TTC39B: variants seen among roughly 807,000 people sequenced by gnomAD.
TTC39B encodes tetratricopeptide repeat domain 39B.
Under a neutral mutation model 96.6 loss-of-function variants are expected in TTC39B, and 92 were observed. The observed-to-expected ratio is 0.95, with a 90% confidence interval of 0.80 to 1.13. The LOEUF is 1.13. Among genes scored for constraint, TTC39B ranks in the 50% most tolerant of loss-of-function variants. The pLI is 0.00. For missense variants in TTC39B, 955 were observed against 809.3 expected (o/e 1.18, Z -2.18); for synonymous variants, 367 against 299.4 (o/e 1.23, Z -2.33).
At chr9:15,175,741 T>C (rs1817900986) in intron 18 of TTC39B, among the ~76,000 whole-genome samples, 1 of 152,152 alleles carries the variant, frequency 6.6e-6, no homozygotes, top group Non-Finnish European at 1.5e-5. Context: ...ACTCTACATA[T>C]GTGGGATGAT....
At chr9:15,224,835 G>A (rs2131400109) in intron 3 of TTC39B, among the ~76,000 whole-genome samples, 1 of 152,254 alleles carries the variant, frequency 6.6e-6, no homozygotes, top group South Asian at 2.1e-4. Context: ...ATCCTTAGAA[G>A]TTATTTTCAC....
chr9:15,271,244 T>C (rs3866793), intron 1 of TTC39B, among the ~76,000 whole-genome samples: 5,130 of 152,242 alleles, frequency 0.034, 285 homozygotes, highest in African/African-American at 0.12. Flanking sequence ...GAAGAGTGTA[T>C]TTGTGTTTAA....
chr9:15,165,502 T>G (rs1383908108), exon 20 of TTC39B: 1 of 152,274 alleles, frequency 6.6e-6, no homozygotes, highest in Non-Finnish European at 1.5e-5. Context: ...GACCATTGTA[T>G]TAGTCCATTC....
chr9:15,257,306 G>T (rs1822786394), intron 2 of TTC39B, among the ~76,000 whole-genome samples: 1 of 152,100 alleles, frequency 6.6e-6, no homozygotes, highest in Non-Finnish European at 1.5e-5. Context: ...TCATGTCTAG[G>T]ATTTGATTCC....
chr9:15,230,437 T>C (rs1229533309), intron 2 of TTC39B, among the ~76,000 whole-genome samples: 4 of 152,342 alleles, frequency 2.6e-5, no homozygotes, highest in African/African-American at 4.8e-5. Flanking sequence ...TTTGTGTCTA[T>C]AGATTTGCCT....
chr9:15,272,797 T>C (rs1304658471), intron 1 of TTC39B, among the ~76,000 whole-genome samples: 1 of 152,202 alleles, frequency 6.6e-6, no homozygotes, highest in Non-Finnish European at 1.5e-5. Flanking sequence ...CTGAGCACCC[T>C]TGTCTGGAGG....
At chr9:15,164,928 G>A (rs920063386) in exon 20 of TTC39B, 1 of 152,156 alleles carries the variant, frequency 6.6e-6, no homozygotes, top group Non-Finnish European at 1.5e-5. Context: ...AACAGCCTAA[G>A]ATTTAAAATG....
intron 2 of TTC39B, among the ~76,000 whole-genome samples, chr9:15,244,981 C>G (rs1822209663): frequency 6.6e-6 from 1 of 152,174 alleles, no homozygotes; most frequent in Non-Finnish European, 1.5e-5. Flanking sequence ...TTTTCTCAGG[C>G]TAGATAGTAT....
At chr9:15,244,498 AG>A (rs1334029657) in intron 2 of TTC39B, among the ~76,000 whole-genome samples, 1 of 152,264 alleles carries the variant, frequency 6.6e-6, no homozygotes, top group East Asian at 1.9e-4. Flanking sequence ...CCACGAGGAA[AG>A]AACGTGCTCC....
intron 2 of TTC39B, among the ~76,000 whole-genome samples, chr9:15,237,669 A>G (rs1198042833): frequency 3.4e-5 from 5 of 146,322 alleles, no homozygotes; most frequent in South Asian, 2.1e-4. Flanking sequence ...AAAAAAAAAA[A>G]GCAGCTCAGG....
chr9:15,248,201 T>G (rs2131496136), intron 2 of TTC39B, among the ~76,000 whole-genome samples: 1 of 152,264 alleles, frequency 6.6e-6, no homozygotes, highest in Admixed American at 6.5e-5. Flanking sequence ...CATAGCCAAT[T>G]TCCCTTCCTC....
At chr9:15,213,303 C>T (rs1820313974) in intron 4 of TTC39B, among the ~76,000 whole-genome samples, 2 of 152,134 alleles carry the variant, frequency 1.3e-5, no homozygotes, top group African/African-American at 2.4e-5. Context: ...TTGAAGACAA[C>T]ACTGGAAAAT....
chr9:15,227,223 G>A lies in TTC39B; in HGVS notation c.276-1211C>T, dbSNP rs373168330. ...CCGGGAGGCTGAGTCAGGGAGAATC[G>A]CTTGAACCCAGGAGGCGGAGGTTGC... On this transcript the variant is annotated intron_variant, in intron 2 of 19. Coordinates refer to ENST00000512701, the Ensembl canonical transcript of TTC39B. 3.0e-3 allele frequency among the ~76,000 whole-genome samples: 451 copies of A among 151,768 alleles called. 3 individuals carry two copies. The highest frequency in any genetic ancestry group is 0.01 in the African/African-American group (433 of 41,336).
intron 2 of TTC39B, among the ~76,000 whole-genome samples, chr9:15,250,689 A>G (rs1297027794): frequency 6.6e-6 from 1 of 152,242 alleles, no homozygotes; most frequent in Non-Finnish European, 1.5e-5. Context: ...TGAAACTAGA[A>G]GATAGTAGGC....
At chr9:15,186,393 C>T (rs7852971) in intron 15 of TTC39B, among the ~76,000 whole-genome samples, 1 of 152,060 alleles carries the variant, frequency 6.6e-6, no homozygotes, top group South Asian at 2.1e-4. Context: ...TATGAAGAGA[C>T]CATTCATTGT....
chr9:15,294,127 G>A (rs1824287631), intron 1 of TTC39B, among the ~76,000 whole-genome samples: 1 of 152,138 alleles, frequency 6.6e-6, no homozygotes, highest in Non-Finnish European at 1.5e-5. Context: ...TAAAGGCAAT[G>A]AGAAGCTGTG....
chr9:15,202,581 A>T (rs1242911299), intron 7 of TTC39B, among the ~76,000 whole-genome samples: 2 of 151,952 alleles, frequency 1.3e-5, no homozygotes, highest in Non-Finnish European at 2.9e-5. Context: ...GCATGGTGGC[A>T]CACGTCTGTA....
chr9:15,260,306 T>C (rs1483685152), intron 2 of TTC39B, among the ~76,000 whole-genome samples: 2 of 150,368 alleles, frequency 1.3e-5, no homozygotes, highest in African/African-American at 2.4e-5. Context: ...CTTAGGAATA[T>C]ATAAGATAAC....
At chr9:15,270,518 G>A (rs566248502) in intron 1 of TTC39B, among the ~76,000 whole-genome samples, 12 of 151,532 alleles carry the variant, frequency 7.9e-5, no homozygotes, top group African/African-American at 1.7e-4. Flanking sequence ...AGTGAGCGAC[G>A]CAAAGGATAA....
Sources: gnomAD v4.1 joint callset for allele counts (sites outside exome capture counted in the v4.1 genomes callset) on GRCh38, gnomAD v4.1.1 for gene constraint, MANE v1.5 for transcripts, NCBI Gene and HGNC (gene_info 2026-07-23, HGNC 2026-07-21) for gene names.